ASMT: variants seen among roughly 807,000 people sequenced by gnomAD.
The protein encoded by ASMT is acetylserotonin N-methyltransferase.
ASMT carries 53 observed loss-of-function variants against 41.3 expected under a neutral mutation model. That is an observed-to-expected ratio of 1.28 (90% CI 1.03 to 1.61). ASMT has a LOEUF of 1.61. ASMT is among the 40% of genes most tolerant of loss of function. ASMT has a pLI of 0.00. For synonymous variants in ASMT, 231 were observed against 184.8 expected, an observed-to-expected ratio of 1.25 and a Z score of -2.03; for missense variants, 531 against 441.3, an observed-to-expected ratio of 1.20 and a Z score of -1.82.
chrX:1,619,171 G>A (rs1283743452), intron 1 of ASMT, among the ~76,000 whole-genome samples: 12 of 151,976 alleles, frequency 7.9e-5, no homozygotes, highest in African/African-American at 1.4e-4. Flanking sequence ...CGAGGCGGGC[G>A]GATCACAAGG....
At chrX:1,616,682 C>G (rs1284083672) in intron 1 of ASMT, among the ~76,000 whole-genome samples, 1 of 151,256 alleles carries the variant, frequency 6.6e-6, no homozygotes, top group Non-Finnish European at 1.5e-5. Flanking sequence ...CCAGTCTGGG[C>G]AACATAGTGA....
At chrX:1,625,542 A>G (rs868222404) in intron 3 of ASMT, among the ~76,000 whole-genome samples, 9 of 68,316 alleles carry the variant, frequency 1.3e-4, no homozygotes, top group East Asian at 9.0e-4. Flanking sequence ...GGAAGGAAGG[A>G]AGGGAGGGAG....
At chrX:1,622,877 C>A (rs746700770) in intron 1 of ASMT, among the ~76,000 whole-genome samples, 2 of 151,130 alleles carry the variant, frequency 1.3e-5, no homozygotes, top group Admixed American at 1.3e-4. Context: ...GCACCACTGC[C>A]CTCCAGCCTG....
intron 1 of ASMT, among the ~76,000 whole-genome samples, chrX:1,622,738 C>A (rs1340300438): frequency 6.6e-6 from 1 of 150,962 alleles, no homozygotes; most frequent in African/African-American, 2.4e-5. Flanking sequence ...ATGGTGAAAC[C>A]CCATCTTTAC....
intron 5 of ASMT, among the ~76,000 whole-genome samples, chrX:1,631,846 G>A (rs749124233): frequency 7.1e-4 from 108 of 152,192 alleles, no homozygotes; most frequent in African/African-American, 2.5e-3. Context: ...TCAGGAGTTT[G>A]AGACCAGCCT....
At chrX:1,616,135 T>C (rs1190370665) in intron 1 of ASMT, among the ~76,000 whole-genome samples, 1 of 149,902 alleles carries the variant, frequency 6.7e-6, no homozygotes, top group East Asian at 1.9e-4. Context: ...TTCAGGCTAT[T>C]CTCCTGCTTC....
chrX:1,616,045 T>TG (rs775565179), intron 1 of ASMT, among the ~76,000 whole-genome samples: 1 of 151,258 alleles, frequency 6.6e-6, no homozygotes, highest in South Asian at 2.1e-4. Flanking sequence ...TTTTATTTTT[T>TG]TGAGCTGGAG....
At chrX:1,642,753 G>A (rs772145304) in intron 8 of ASMT, 50 bp from the exon 9 acceptor site, 33 of 1,569,096 alleles carry the variant, frequency 2.1e-5, no homozygotes, top group African/African-American at 4.1e-5. Context: ...CTTTGGCACA[G>A]TCTGTCTGTG....
In ASMT at chrX:1,624,204, G is replaced by A. The variant is rs1934439304; in HGVS notation, c.245-65G>A. ...GAAATCACGATGTTGTCGAGCTGGG[G>A]AGCGTCCGCCGGCAGGAACTCGGAA... On this transcript the variant is annotated intron_variant, in intron 2 of 8. Coordinates refer to ENST00000381241, the MANE Select transcript of ASMT (RefSeq NM_001171038.2). 5.0e-6 allele frequency: 8 copies of A among 1,604,824 alleles called. No individual in the cohort carries two copies. In the Admixed American group the frequency reaches 1.2e-4, roughly 23 times the overall value.
chrX:1,627,607 C>A, intron 3 of ASMT, 96 bp from the exon 4 acceptor site: 1 of 1,289,244 alleles, frequency 7.8e-7, no homozygotes. Context: ...GGCTACAGAG[C>A]TGAAATGAAA....
chrX:1,615,300 A>C (rs1241040555), intron 1 of ASMT, 32 bp downstream of exon 1: 49 of 1,555,352 alleles, frequency 3.2e-5, no homozygotes, highest in Non-Finnish European at 4.0e-5. Context: ...AAGGGGGAAT[A>C]GACTTCCGTT....
At chrX:1,633,385 T>C in intron 7 of ASMT, 95 bp downstream of exon 7, 1 of 1,505,094 alleles carries the variant, frequency 6.6e-7, no homozygotes, top group Non-Finnish European at 9.3e-7. Context: ...TGATGTGGTT[T>C]TCCTCTCACT....
At position 1,629,917 on chromosome X, in the gene ASMT, C is replaced by T; in HGVS notation, c.540C>T (p.Phe180=). ...SVLTAFDLSV[F]PLMCDLGGTW... ...TGACCGCCTTTGACCTGTCAGTGTTCCCACTTATGTGTGACCTTGGTGGTA... is the reference window on the plus strand; with the variant it reads ...TGACCGCCTTTGACCTGTCAGTGTTTCCACTTATGTGTGACCTTGGTGGTA... The change falls in exon 5 of 9, where the codon TTC becomes TTT. Residue 180 remains phenylalanine, a synonymous_variant. Coordinates refer to ENST00000381241, the MANE Select transcript of ASMT (RefSeq NM_001171038.2). The T allele has an allele frequency of 1.2e-6, 2 of 1,613,914 alleles. No individual in the cohort carries two copies. Among genetic ancestry groups the T allele is most frequent in the Non-Finnish European group, 1.7e-6 (2 of 1,179,832 alleles).
chrX:1,629,505 C>T (rs770028980), intron 4 of ASMT, among the ~76,000 whole-genome samples: 143 of 152,292 alleles, frequency 9.4e-4, no homozygotes, highest in Middle Eastern at 3.4e-3. Context: ...GGGCTGAGCT[C>T]TGTGGATGGG....
intron 5 of ASMT, among the ~76,000 whole-genome samples, 172 bp downstream of exon 5, chrX:1,630,111 TCTC>T (rs1934715790): frequency 6.6e-6 from 1 of 152,000 alleles, no homozygotes; most frequent in Non-Finnish European, 1.5e-5. Flanking sequence ...TCAGCAAACA[TCTC>T]CTCTGCGAGC....
chrX:1,629,705 C>CTT, intron 4 of ASMT, 116 bp from the exon 5 acceptor site: 1 of 951,044 alleles, frequency 1.1e-6, no homozygotes, highest in Non-Finnish European at 1.7e-6. Flanking sequence ...AAATGCAAGC[C>CTT]TTCCAGGTGC....
chrX:1,631,084 GT>G (rs11330880), intron 5 of ASMT, among the ~76,000 whole-genome samples: 73,609 of 144,098 alleles, frequency 0.51, 18,450 homozygotes, highest in Non-Finnish European at 0.57. Context: ...CTAATTTTTT[GT>G]TTTTTTTTTT....
chrX:1,633,130 C>A lies in ASMT; in HGVS notation c.647-20C>A, dbSNP rs199525402. ...CTCAGGTTCATCTCTGAGGGTCAAA[C>A]GGGCTGTGTCCCCTTCCAGGTGGGG... On this transcript the variant is annotated intron_variant, in intron 6 of 8. Coordinates refer to ENST00000381241, the MANE Select transcript of ASMT (RefSeq NM_001171038.2). 23 of 1,613,864 alleles carry A rather than the reference C, an allele frequency of 1.4e-5. No homozygotes were observed. Among genetic ancestry groups the A allele is most frequent in the Non-Finnish European group, 1.9e-5 (23 of 1,179,846 alleles).
chrX:1,627,997 A>G, intron 4 of ASMT: 1 of 616,408 alleles, frequency 1.6e-6, no homozygotes, highest in Middle Eastern at 4.4e-4. Context: ...CTTCGAAAGG[A>G]CTACTCACAA....
Sources: allele counts gnomAD v4.1 joint callset (sites outside exome capture counted in the v4.1 genomes callset), GRCh38; gene constraint gnomAD v4.1.1; transcripts MANE v1.5; gene names NCBI Gene and HGNC (gene_info 2026-07-23, HGNC 2026-07-21).